The following SLC26A7 variants were observed in gnomAD, a reference collection of about 807,000 sequenced individuals.
SLC26A7 encodes the protein solute carrier family 26 member 7.
Under a neutral mutation model 82.5 loss-of-function variants are expected in SLC26A7, and 59 were observed. The observed-to-expected ratio is 0.72, with a 90% CI of 0.58 to 0.89. The LOEUF is 0.89. Among genes scored for constraint, SLC26A7 ranks in the 40% least tolerant of loss-of-function variants. The pLI is 0.00. For synonymous variants in SLC26A7, 271 were observed against 274.3 expected, an observed-to-expected ratio of 0.99 and a Z score of 0.12; for missense variants, 820 against 793.0, an observed-to-expected ratio of 1.03 and a Z score of -0.41.
intron 11 of SLC26A7, among the ~76,000 whole-genome samples, chr8:91,358,255 A>C (rs975108083): frequency 6.6e-6 from 1 of 152,118 alleles, no homozygotes; most frequent in African/African-American, 2.4e-5. Context: ...CCATCCCATT[A>C]CTGGGTATAT....
intron 15 of SLC26A7, among the ~76,000 whole-genome samples, chr8:91,377,893 T>G (rs1326427174): frequency 2.0e-5 from 3 of 152,164 alleles, no homozygotes; most frequent in South Asian, 2.1e-4. Flanking sequence ...AATATTCCAT[T>G]TAGGACATGC....
At chr8:91,341,999 C>T (rs1317886850) in intron 8 of SLC26A7, among the ~76,000 whole-genome samples, 2 of 152,116 alleles carry the variant, frequency 1.3e-5, no homozygotes, top group Non-Finnish European at 2.9e-5. Flanking sequence ...ATGATCATGG[C>T]TCACTGCGGC....
intron 2 of SLC26A7, among the ~76,000 whole-genome samples, chr8:91,252,413 T>C (rs1387173072): frequency 6.6e-6 from 1 of 152,104 alleles, no homozygotes; most frequent in Non-Finnish European, 1.5e-5. Flanking sequence ...TTGTTAAATA[T>C]AGATGCTTTT....
intron 15 of SLC26A7, among the ~76,000 whole-genome samples, chr8:91,372,933 C>G (rs1012575132): frequency 1.3e-5 from 2 of 151,694 alleles, no homozygotes; most frequent in Admixed American, 6.6e-5. Flanking sequence ...CTTGTAGAGG[C>G]CTTTCACGTC....
intron 2 of SLC26A7, among the ~76,000 whole-genome samples, chr8:91,234,402 G>T (rs1810357601): frequency 6.6e-6 from 1 of 151,870 alleles, no homozygotes; most frequent in Non-Finnish European, 1.5e-5. Context: ...TAGAGTAGTT[G>T]CCTACCAGTT....
intron 2 of SLC26A7, among the ~76,000 whole-genome samples, chr8:91,241,160 T>G (rs751476610): frequency 4.6e-5 from 7 of 152,160 alleles, no homozygotes; most frequent in African/African-American, 1.7e-4. Context: ...CTTGGGTAAG[T>G]GAACTATGGT....
At chr8:91,355,386 CTT>C (rs1243414792) in intron 11 of SLC26A7, among the ~76,000 whole-genome samples, 1 of 151,978 alleles carries the variant, frequency 6.6e-6, no homozygotes, top group African/African-American at 2.4e-5. Context: ...GTTCTGCTCT[CTT>C]CTCAGTGAAT....
chr8:91,242,774 A>C (rs1172369505), intron 2 of SLC26A7, among the ~76,000 whole-genome samples: 1 of 152,224 alleles, frequency 6.6e-6, no homozygotes, highest in Non-Finnish European at 1.5e-5. Context: ...ATTCTTGTTT[A>C]AGCCACCCAG....
chr8:91,222,000 A>G (rs558277162), intron 2 of SLC26A7, among the ~76,000 whole-genome samples: 2 of 152,220 alleles, frequency 1.3e-5, no homozygotes, highest in South Asian at 4.1e-4. Context: ...CTTCCTATTC[A>G]TGAGGATGGA....
chr8:91,303,335 C>A, intron 4 of SLC26A7, among the ~76,000 whole-genome samples: 1 of 152,110 alleles, frequency 6.6e-6, no homozygotes, highest in East Asian at 1.9e-4. Flanking sequence ...AGAGCTTTTC[C>A]AAGAGGGGTC....
chr8:91,328,861 A>T (rs958323507), intron 5 of SLC26A7, among the ~76,000 whole-genome samples: 4 of 152,136 alleles, frequency 2.6e-5, no homozygotes, highest in Non-Finnish European at 5.9e-5. Flanking sequence ...TAGGTGATTT[A>T]CCTCAAGATG....
At chr8:91,269,709 C>G (rs1292077564) in intron 2 of SLC26A7, among the ~76,000 whole-genome samples, 1 of 151,956 alleles carries the variant, frequency 6.6e-6, no homozygotes, top group Non-Finnish European at 1.5e-5. Context: ...CTTAAATATG[C>G]CTTCCAGTCC....
At chr8:91,306,957 A>C (rs1254080738) in intron 4 of SLC26A7, among the ~76,000 whole-genome samples, 2 of 149,660 alleles carry the variant, frequency 1.3e-5, no homozygotes, top group Non-Finnish European at 3.0e-5. Context: ...TACAAGAAAA[A>C]AACAAACAAC....
intron 5 of SLC26A7, among the ~76,000 whole-genome samples, chr8:91,323,321 A>G (rs1812842751): frequency 6.6e-6 from 1 of 152,202 alleles, no homozygotes; most frequent in Non-Finnish European, 1.5e-5. Context: ...CTATATGTAA[A>G]TTTGTAGCCA....
At chr8:91,246,715 AC>A (rs1204435834), upstream of SLC26A7, among the ~76,000 whole-genome samples, 2 of 151,650 alleles carry the variant, frequency 1.3e-5, no homozygotes, top group Admixed American at 1.3e-4. Flanking sequence ...AAAAAAAAAA[AC>A]AAAACGGAAA....
intron 13 of SLC26A7, among the ~76,000 whole-genome samples, chr8:91,365,763 C>T (rs1382570607): frequency 6.6e-6 from 1 of 152,096 alleles, no homozygotes; most frequent in Non-Finnish European, 1.5e-5. Flanking sequence ...TACTTCTATC[C>T]TCTGTCTGTA....
chr8:91,332,525 C>CACACAG (rs974650095), intron 5 of SLC26A7, among the ~76,000 whole-genome samples: 1 of 144,532 alleles, frequency 6.9e-6, no homozygotes, highest in African/African-American at 2.7e-5. Context: ...CACACACACA[C>CACACAG]ACACACACAT....
chr8:91,377,145 T>C (rs1197476449), intron 15 of SLC26A7, among the ~76,000 whole-genome samples: 4 of 152,084 alleles, frequency 2.6e-5, no homozygotes, highest in East Asian at 1.9e-4. Context: ...TCACTTTCAA[T>C]AGTGGTGGAG....
At chr8:91,387,238 G>A (rs1814825249) in intron 15 of SLC26A7, among the ~76,000 whole-genome samples, 1 of 152,084 alleles carries the variant, frequency 6.6e-6, no homozygotes, top group African/African-American at 2.4e-5. Context: ...ATAAGCCAGG[G>A]CATATTATAC....
Sources: allele counts gnomAD v4.1 joint callset (sites outside exome capture counted in the v4.1 genomes callset), GRCh38; gene constraint gnomAD v4.1.1; transcripts MANE v1.5; gene names NCBI Gene and HGNC (gene_info 2026-07-23, HGNC 2026-07-21).